The following GLI2 variants were observed in gnomAD, a reference collection of about 807,000 sequenced individuals.
The protein encoded by GLI2 is GLI family zinc finger 2, also known as transcription activator GLI2.
Under a neutral mutation model 78.9 loss-of-function variants are expected in GLI2, and 22 were observed. That is an observed-to-expected ratio of 0.28 (90% CI 0.20 to 0.40). The LOEUF (loss-of-function observed/expected upper bound fraction) is 0.40. GLI2 is among the 10% of genes least tolerant of loss of function. GLI2 has a pLI of 1.00. For synonymous variants in GLI2, 974 were observed against 963.7 expected, an observed-to-expected ratio of 1.01 and a Z score of -0.20; for missense variants, 2,097 against 2,213.2, an observed-to-expected ratio of 0.95 and a Z score of 1.05.
At chr2:120,741,443 C>T (rs1558775139) in intron 1 of GLI2, among the ~76,000 whole-genome samples, 1 of 151,870 alleles carries the variant, frequency 6.6e-6, no homozygotes, top group South Asian at 2.1e-4. Flanking sequence ...GTCCTGCCCC[C>T]ACCCCCTCTT....
At chr2:120,955,763 C>CG (rs1450113593) in intron 5 of GLI2, among the ~76,000 whole-genome samples, 2 of 151,002 alleles carry the variant, frequency 1.3e-5, no homozygotes, top group African/African-American at 4.9e-5. Context: ...AAAGCAGGGG[C>CG]GGGGGGAGCG....
intron 1 of GLI2, among the ~76,000 whole-genome samples, chr2:120,754,054 C>T (rs1041737142): frequency 2.0e-5 from 3 of 151,840 alleles, no homozygotes; most frequent in Non-Finnish European, 2.9e-5. Flanking sequence ...GGATATATTG[C>T]GTAGTGGTAA....
chr2:120,806,163 A>C (rs919728789), intron 2 of GLI2, among the ~76,000 whole-genome samples: 1 of 151,552 alleles, frequency 6.6e-6, no homozygotes, highest in South Asian at 2.1e-4. Context: ...GGAGGGGGGG[A>C]AAGAGATAAT....
At chr2:120,740,592 T>C (rs1040966271) in intron 1 of GLI2, among the ~76,000 whole-genome samples, 9 of 152,220 alleles carry the variant, frequency 5.9e-5, no homozygotes, top group Admixed American at 3.9e-4. Flanking sequence ...TGATGGTCCA[T>C]TGAGATTCTT....
At chr2:120,938,923 A>ACTT (rs1176080584) in intron 3 of GLI2, among the ~76,000 whole-genome samples, 1 of 143,534 alleles carries the variant, frequency 7.0e-6, no homozygotes, top group Non-Finnish European at 1.5e-5. Context: ...ACCAGAGACT[A>ACTT]CTTCTACCCA....
At position 120,927,469 on chromosome 2, in the gene GLI2, A is replaced by G. The variant is rs1177832048; in HGVS notation, c.254+3A>G. The G allele has an allele frequency of 1.3e-6, 2 of 1,596,772 alleles. No homozygotes were observed. The highest frequency in any genetic ancestry group is 1.7e-6 in the Non-Finnish European group (2 of 1,164,258). On this transcript the variant is annotated splice_donor_region_variant and intron_variant, in intron 3 of 13. Coordinates refer to ENST00000361492, the MANE Select transcript of GLI2 (RefSeq NM_001374353.1). ...CATTCTGTCCACGGTGTGCACGGGTAAGTCCTGCCCTCTGCCTGCTGCTCC... is the reference window on the plus strand; with the variant it reads ...CATTCTGTCCACGGTGTGCACGGGTGAGTCCTGCCCTCTGCCTGCTGCTCC...
chr2:120,762,025 A>T (rs893221726), intron 1 of GLI2, among the ~76,000 whole-genome samples: 6 of 152,238 alleles, frequency 3.9e-5, no homozygotes, highest in Non-Finnish European at 7.3e-5. Context: ...GATGGCAGAC[A>T]TTCAGATAAT....
intron 2 of GLI2, among the ~76,000 whole-genome samples, chr2:120,804,576 C>A (rs771330195): frequency 2.1e-5 from 2 of 93,862 alleles, no homozygotes; most frequent in Non-Finnish European, 4.7e-5. Context: ...CACACTTTTG[C>A]CTTGGACCTG....
At chr2:120,830,125 A>G (rs886907982) in intron 2 of GLI2, among the ~76,000 whole-genome samples, 1 of 152,170 alleles carries the variant, frequency 6.6e-6, no homozygotes, top group African/African-American at 2.4e-5. Context: ...CTAACCGGCC[A>G]CAAGACCCTG....
At chr2:120,812,392 C>T (rs1377777675) in intron 2 of GLI2, among the ~76,000 whole-genome samples, 1 of 152,168 alleles carries the variant, frequency 6.6e-6, no homozygotes, top group Admixed American at 6.5e-5. Flanking sequence ...TGTGGCGGTT[C>T]CCGTGCATCC....
At chr2:120,935,562 C>T (rs889607833) in intron 3 of GLI2, among the ~76,000 whole-genome samples, 1 of 152,222 alleles carries the variant, frequency 6.6e-6, no homozygotes, top group African/African-American at 2.4e-5. Context: ...CGGCTTATGT[C>T]ATGTCACCCT....
At chr2:120,895,234 AAAC>A (rs1349813450) in intron 2 of GLI2, among the ~76,000 whole-genome samples, 2 of 152,212 alleles carry the variant, frequency 1.3e-5, no homozygotes, top group African/African-American at 4.8e-5. Context: ...AACAATGAAA[AAAC>A]AACAACAAAA....
chr2:120,904,119 A>T (rs1297694262), intron 2 of GLI2, among the ~76,000 whole-genome samples: 1 of 152,132 alleles, frequency 6.6e-6, no homozygotes, highest in Non-Finnish European at 1.5e-5. Flanking sequence ...GGCAGTGGGC[A>T]TGTATCTAGA....
chr2:120,969,029 T>C, intron 6 of GLI2, 114 bp downstream of exon 6: 1 of 749,836 alleles, frequency 1.3e-6, no homozygotes, highest in Non-Finnish European at 2.3e-6. Flanking sequence ...ACAGGACCTG[T>C]GGCATTTGTG....
chr2:120,827,681 A>T (rs1270452429), intron 2 of GLI2, among the ~76,000 whole-genome samples: 1 of 152,258 alleles, frequency 6.6e-6, no homozygotes, highest in Non-Finnish European at 1.5e-5. Flanking sequence ...GTGGTGCGTG[A>T]TACAGAGGGC....
chr2:120,810,882 C>A (rs1685206088), intron 2 of GLI2, among the ~76,000 whole-genome samples: 1 of 152,226 alleles, frequency 6.6e-6, no homozygotes, highest in African/African-American at 2.4e-5. Flanking sequence ...GCTGGCCTGG[C>A]ATTCTGATAG....
chr2:120,811,854 C>T (rs892724800), intron 2 of GLI2, among the ~76,000 whole-genome samples: 1 of 152,140 alleles, frequency 6.6e-6, no homozygotes, highest in Non-Finnish European at 1.5e-5. Flanking sequence ...CCCTCCTTCC[C>T]TCCCTCTTTC....
intron 2 of GLI2, among the ~76,000 whole-genome samples, chr2:120,844,075 C>T (rs529773215): frequency 3.9e-5 from 6 of 152,298 alleles, no homozygotes; most frequent in Admixed American, 1.3e-4. Context: ...TCTGATGTCA[C>T]CAAAGAACCC....
At chr2:120,890,343 G>A (rs1558860946) in intron 2 of GLI2, among the ~76,000 whole-genome samples, 2 of 152,174 alleles carry the variant, frequency 1.3e-5, no homozygotes, top group Admixed American at 6.6e-5. Context: ...GCAGAAGGGT[G>A]CTCATCGTGA....
Sources: gnomAD v4.1 joint callset for allele counts (sites outside exome capture counted in the v4.1 genomes callset) on GRCh38, gnomAD v4.1.1 for gene constraint, MANE v1.5 for transcripts, NCBI Gene and HGNC (gene_info 2026-07-23, HGNC 2026-07-21) for gene names.